FBXO9: variants seen among roughly 807,000 people sequenced by gnomAD.
FBXO9 encodes F-box only protein 9.
FBXO9 carries 43 observed loss-of-function variants against 63.7 expected under a neutral mutation model. That is an observed-to-expected ratio of 0.67 (90% confidence interval 0.53 to 0.87). FBXO9 has a LOEUF of 0.87. Ranked by LOEUF, FBXO9 falls within the 40% of genes least tolerant of loss-of-function variation. The pLI, the probability that FBXO9 is intolerant of heterozygous loss-of-function variation, is 0.00. For missense variants in FBXO9, 442 were observed against 533.2 expected (o/e 0.83, Z 1.68); for synonymous variants, 156 against 171.7 (o/e 0.91, Z 0.72).
chr6:53,075,411 G>C (rs896421223), intron 3 of FBXO9, among the ~76,000 whole-genome samples: 1 of 150,582 alleles, frequency 6.6e-6, no homozygotes, highest in African/African-American at 2.4e-5. Context: ...GCTCACTTCT[G>C]TAATCCCAGC....
chr6:53,082,269 AAG>A (rs1279491803), intron 6 of FBXO9, among the ~76,000 whole-genome samples: 1 of 152,222 alleles, frequency 6.6e-6, no homozygotes, highest in African/African-American at 2.4e-5. Context: ...TATGAGGGAA[AAG>A]AGTGCTTTAT....
At position 53,100,205 on chromosome 6, in the gene FBXO9, A is replaced by G. The variant is rs982481599; in HGVS notation, c.*2375A>G. ...TTTAAAAAAACACCCAAAGATAACC[A>G]GAAGAAAATTTTTGCTATGTAACCT... On this transcript the variant is annotated 3_prime_UTR_variant, in exon 13 of 13. Coordinates refer to ENST00000323557, the MANE Select transcript of FBXO9 (RefSeq NM_033480.3). The G allele has an allele frequency of 6.6e-6, 1 of 152,202 alleles. No individual in the cohort carries two copies. The highest frequency in any genetic ancestry group is 2.4e-5 in the African/African-American group (1 of 41,448). 9.4% of individuals were successfully genotyped at this position (152,202 alleles called of 1,614,324 possible).
At chr6:53,076,879 A>G (rs192349645) in intron 4 of FBXO9, among the ~76,000 whole-genome samples, 1 of 152,148 alleles carries the variant, frequency 6.6e-6, no homozygotes, top group Admixed American at 6.5e-5. Flanking sequence ...ACAGAGGGCC[A>G]GCTATATTTG....
chr6:53,083,808 T>A (rs1317864750), intron 7 of FBXO9, among the ~76,000 whole-genome samples: 1 of 152,204 alleles, frequency 6.6e-6, no homozygotes, highest in Non-Finnish European at 1.5e-5. Flanking sequence ...ACTTTCACAT[T>A]TTCCCCTTTT....
In FBXO9 at chr6:53,097,741, G is replaced by C. The variant is rs1190042145; in HGVS notation, c.1225G>C (p.Val409Leu). Residue 409 changes from valine to leucine, a missense_variant, in exon 13 of 13, where the codon GTC becomes CTC. Around this residue, in one of 2 missense-constraint regions of FBXO9, gnomAD observed 262 missense variants for 362.1 expected, o/e 0.72. Coordinates refer to ENST00000323557, the MANE Select transcript of FBXO9 (RefSeq NM_033480.3). ...ITYKSTGETA[V>L]SAFEIDKMYT... is the part of the protein sequence containing the mutation. Reference sequence around the variant, plus strand: ...TTACAGATCAACTGGTGAGACTGCAGTCAGTGCTTTTGAGATTGACAAGAT... The same window carrying C: ...TTACAGATCAACTGGTGAGACTGCACTCAGTGCTTTTGAGATTGACAAGAT... 1.2e-6 allele frequency: 2 copies of C among 1,602,370 alleles called. No individual in the cohort carries two copies. The highest frequency in any genetic ancestry group is 1.7e-6 in the Non-Finnish European group (2 of 1,173,274).
At chr6:53,065,846 G>T (rs1248061193) in intron 1 of FBXO9, 54 bp downstream of exon 1, 3 of 1,289,336 alleles carry the variant, frequency 2.3e-6, no homozygotes, top group Non-Finnish European at 2.9e-6. Flanking sequence ...AGCGTGGTGT[G>T]CAGAGGGGCC....
chr6:53,066,650 G>C (rs144089724), intron 1 of FBXO9, among the ~76,000 whole-genome samples: 2 of 152,190 alleles, frequency 1.3e-5, no homozygotes, highest in Non-Finnish European at 2.9e-5. Flanking sequence ...AAAGGCAATT[G>C]CCCCTGCCCC....
rs771641429 is a variant in FBXO9 at position 53,095,596 on chromosome 6, A to G, written c.1137A>G (p.Leu379=). 2.2e-5 allele frequency: 35 copies of G among 1,613,650 alleles called. No homozygotes were observed. Among genetic ancestry groups the G allele is most frequent in the Non-Finnish European group, 2.9e-5 (34 of 1,179,776 alleles). Reference sequence around the variant, plus strand: ...AGAGTTTTCATGTGGGGCTACAGCTATGTTCCAGTGGTCACCAGAGGTTCA... The same window carrying G: ...AGAGTTTTCATGTGGGGCTACAGCTGTGTTCCAGTGGTCACCAGAGGTTCA... ...ADQSFHVGLQ[L]CSSGHQRFNK... is the part of the protein sequence containing the mutation. The change falls in exon 12 of 13, where the codon CTA becomes CTG. Residue 379 remains leucine, a synonymous_variant. Coordinates refer to ENST00000323557, the MANE Select transcript of FBXO9 (RefSeq NM_033480.3).
chr6:53,092,557 AT>A lies in FBXO9; in HGVS notation c.772+12del. The A allele has an allele frequency of 6.2e-7, 1 of 1,601,936 alleles. No individual in the cohort carries two copies. Among genetic ancestry groups the A allele is most frequent in the Non-Finnish European group, 8.6e-7 (1 of 1,169,048 alleles). On this transcript the variant is annotated intron_variant, in intron 8 of 12. Coordinates refer to ENST00000323557, the MANE Select transcript of FBXO9 (RefSeq NM_033480.3). Reference sequence around the variant, plus strand: ...CGTGTTCGGTTTGATGGTAAGTTGGATTCTGTAGAACTCAGCAGAAATACTG... The same window carrying A: ...CGTGTTCGGTTTGATGGTAAGTTGGATCTGTAGAACTCAGCAGAAATACTG...
intron 4 of FBXO9, among the ~76,000 whole-genome samples, chr6:53,078,425 C>T (rs1458165336): frequency 1.3e-5 from 2 of 152,166 alleles, no homozygotes; most frequent in African/African-American, 4.8e-5. Flanking sequence ...GCCAACTGCA[C>T]TCCAACCTGG....
rs1469392299 is a variant in FBXO9 at position 53,099,442 on chromosome 6, A to C, written c.*1612A>C. 6.6e-6 allele frequency: 1 copy of C among 152,034 alleles called. No individual in the cohort carries two copies. The highest frequency in any genetic ancestry group is 1.5e-5 in the Non-Finnish European group (1 of 68,052). 9.4% of individuals were successfully genotyped at this position (152,034 alleles called of 1,614,324 possible). ...GTTATGTTAAAGGTGAAATGTGCAT[A>C]CAGAAGGAAGAGAGTTGGCCAGGTG... On this transcript the variant is annotated 3_prime_UTR_variant, in exon 13 of 13. Transcript: ENST00000323557.
intron 7 of FBXO9, among the ~76,000 whole-genome samples, chr6:53,086,462 C>T (rs1053857321): frequency 1.3e-5 from 2 of 151,932 alleles, no homozygotes; most frequent in Non-Finnish European, 2.9e-5. Flanking sequence ...GGCCAGTTGC[C>T]AAAAAGATAA....
rs562389459 is a variant in FBXO9 at position 53,076,608 on chromosome 6, AT to A, written c.307+74del. On this transcript the variant is annotated intron_variant, in intron 4 of 12. Transcript: ENST00000323557. ...GAATAATGACTCTGTTATTAACCAT[AT>A]TTTTTTTTCTATAACTTATTTGGTA... 2.0e-3 allele frequency: 2,320 copies of A among 1,178,976 alleles called. 4 individuals carry two copies. Among genetic ancestry groups the A allele is most frequent in the Admixed American group, 3.3e-3 (93 of 28,202 alleles). The allele number at this position is 1,178,976 out of a possible 1,614,324, so 73.0% of individuals were successfully genotyped here. A position where few individuals can be genotyped will look rare whatever the true frequency, so the allele number is the denominator to read the frequency against.
intron 1 of FBXO9, among the ~76,000 whole-genome samples, chr6:53,069,328 TG>T (rs1768826655): frequency 6.6e-6 from 1 of 152,214 alleles, no homozygotes; most frequent in African/African-American, 2.4e-5. Context: ...AAAGAAGCAA[TG>T]TTGTATTTCA....
intron 1 of FBXO9, chr6:53,066,095 G>A (rs1768689177): frequency 8.4e-7 from 1 of 1,193,170 alleles, no homozygotes; most frequent in African/African-American, 1.6e-5. Flanking sequence ...TGAGTATATT[G>A]AACCAGTCTC....
Position 53,093,490 on chromosome 6 carries a change from C to T in FBXO9, c.888C>T (p.Gly296=), listed in dbSNP as rs772966302. The T allele has an allele frequency of 1.2e-6, 2 of 1,613,494 alleles. No individual in the cohort carries two copies. The highest frequency in any genetic ancestry group is 1.1e-5 in the South Asian group (1 of 91,050). The change falls in exon 10 of 13, where the codon GGC becomes GGT. Residue 296 remains glycine (G), a synonymous_variant. Coordinates refer to ENST00000323557, the MANE Select transcript of FBXO9 (RefSeq NM_033480.3). The stretch of plus-strand genomic sequence containing the variant: ...GGTACATAAGATTCTTTCCTGATGG[C>T]CATGTGATGATGTTGACAACCCCTG... The part of the protein sequence containing the change: ...YYRYIRFFPD[G]HVMMLTTPEE...
At position 53,065,610 on chromosome 6, in the gene FBXO9, C is replaced by G. The variant is rs1021548580; in HGVS notation, c.-180C>G. 1 of 697,406 alleles carries G rather than the reference C, an allele frequency of 1.4e-6. No homozygotes were observed. 43.2% of individuals were successfully genotyped at this position (697,406 alleles called of 1,614,324 possible). ...CCCCCTGCCCCGCGAAGATGGCTGC[C>G]GTACGCCGGGCCCGCAGTTATTGCC... On this transcript the variant is annotated 5_prime_UTR_variant, in exon 1 of 13. Coordinates refer to ENST00000323557, the MANE Select transcript of FBXO9 (RefSeq NM_033480.3).
At chr6:53,077,005 T>A (rs574814360) in intron 4 of FBXO9, among the ~76,000 whole-genome samples, 81 of 152,320 alleles carry the variant, frequency 5.3e-4, no homozygotes, top group African/African-American at 1.9e-3. Flanking sequence ...AAATAACTTT[T>A]TTTTACATTT....
intron 7 of FBXO9, among the ~76,000 whole-genome samples, chr6:53,083,179 A>G (rs1220861041): frequency 2.0e-5 from 3 of 152,244 alleles, no homozygotes; most frequent in South Asian, 2.1e-4. Flanking sequence ...ACCTAAAACT[A>G]TATACTTAGT....
Sources: allele counts gnomAD v4.1 joint callset (sites outside exome capture counted in the v4.1 genomes callset), GRCh38; gene constraint gnomAD v4.1.1; regional missense constraint gnomAD v4.1.1; transcripts MANE v1.5; gene names NCBI Gene and HGNC (gene_info 2026-07-23, HGNC 2026-07-21).